The following GARRE1 variants were observed in gnomAD, a reference collection of about 807,000 sequenced individuals.
GARRE1 encodes the protein granule associated Rac and RHOG effector protein 1.
In GARRE1, 49 loss-of-function variants were observed where a neutral mutation model predicts 103.2. That is an observed-to-expected ratio of 0.47 (90% CI 0.38 to 0.60). The LOEUF (loss-of-function observed/expected upper bound fraction) is 0.60, where lower values mean the gene tolerates loss of function less well. GARRE1 is among the 20% of genes least tolerant of loss of function. The probability of loss-of-function intolerance (pLI) is 0.00; values close to 1 mark genes in which losing one functional copy is unlikely to be tolerated. For missense variants in GARRE1, 1,199 were observed against 1,370.5 expected, an observed-to-expected ratio of 0.87 and a Z score of 1.98; for synonymous variants, 505 against 532.8, an observed-to-expected ratio of 0.95 and a Z score of 0.72.
chr19:34,340,147 C>A, intron 9 of GARRE1, 155 bp downstream of exon 9: 2 of 740,856 alleles, frequency 2.7e-6, no homozygotes, highest in Non-Finnish European at 4.4e-6. Flanking sequence ...TTAAAACCTG[C>A]AGCAAAGTGG....
intron 1 of GARRE1, among the ~76,000 whole-genome samples, chr19:34,257,160 CTT>C (rs71165639): frequency 0.5 from 75,220 of 149,918 alleles, 20,805 homozygotes; most frequent in Non-Finnish European, 0.63. Flanking sequence ...TTTAAGCATC[CTT>C]TTTTTTTTTT....
chr19:34,333,560 C>T (rs1033447974), intron 7 of GARRE1, 144 bp from the exon 8 acceptor site: 14 of 594,376 alleles, frequency 2.4e-5, no homozygotes, highest in African/African-American at 1.7e-4. Context: ...GTTGTCTTCA[C>T]GGGGCCCTGA....
intron 1 of GARRE1, among the ~76,000 whole-genome samples, chr19:34,286,228 ATTAT>A (rs929921523): frequency 1.3e-5 from 2 of 152,102 alleles, no homozygotes; most frequent in African/African-American, 4.8e-5. Flanking sequence ...CTGTATTATT[ATTAT>A]TTTTTGAGAC....
chr19:34,283,692 T>C (rs1438761478), intron 1 of GARRE1, among the ~76,000 whole-genome samples: 1 of 152,180 alleles, frequency 6.6e-6, no homozygotes, highest in African/African-American at 2.4e-5. Context: ...TCTTCTTCAC[T>C]TCAATCGTCT....
chr19:34,261,746 G>C (rs867883905), intron 1 of GARRE1, among the ~76,000 whole-genome samples: 2 of 152,138 alleles, frequency 1.3e-5, no homozygotes, highest in African/African-American at 4.8e-5. Flanking sequence ...TATGAATAAG[G>C]AGTAGAGGGA....
In GARRE1 at chr19:34,339,903, G is replaced by C; in HGVS notation, c.1398G>C (p.Leu466=). 6.2e-7 allele frequency: 1 copy of C among 1,614,186 alleles called. No individual in the cohort carries two copies. The highest frequency in any genetic ancestry group is 8.5e-7 in the Non-Finnish European group (1 of 1,180,026). ...AAGACCCTGCTACCATGTCCCTGCT[G>C]CAGAGAAGCCTTGATCCTGAGAAGA... ...LKEDPATMSL[L]QRSLDPEKTL... is the part of the protein sequence containing the mutation. Residue 466 remains leucine (L), a synonymous_variant, in exon 9 of 14, where the codon CTG becomes CTC. Transcript: ENST00000299505.
chr19:34,339,904 C>T lies in GARRE1; in HGVS notation c.1399C>T (p.Gln467Ter). The T allele has an allele frequency of 1.2e-6, 2 of 1,614,200 alleles. No individual in the cohort carries two copies. The highest frequency in any genetic ancestry group is 1.7e-6 in the Non-Finnish European group (2 of 1,180,038). ...AGACCCTGCTACCATGTCCCTGCTGCAGAGAAGCCTTGATCCTGAGAAGAC... is the reference window on the plus strand; with the variant it reads ...AGACCCTGCTACCATGTCCCTGCTGTAGAGAAGCCTTGATCCTGAGAAGAC... ...KEDPATMSLL[Q>*]RSLDPEKTLG... Residue 467 changes from glutamine to a stop codon, truncating the protein, a stop_gained, in exon 9 of 14, where the codon CAG becomes TAG. Coordinates refer to ENST00000299505, the MANE Select transcript of GARRE1 (RefSeq NM_014686.5). LOFTEE classifies it high-confidence loss of function.
chr19:34,288,499 A>G (rs1325314886), intron 1 of GARRE1, among the ~76,000 whole-genome samples: 2 of 152,160 alleles, frequency 1.3e-5, no homozygotes, highest in African/African-American at 2.4e-5. Flanking sequence ...GCAGAACCAT[A>G]CAACACACAG....
intron 2 of GARRE1, 40 bp from the exon 3 acceptor site, chr19:34,319,867 A>G (rs767807172): frequency 1.9e-6 from 3 of 1,580,312 alleles, no homozygotes; most frequent in Non-Finnish European, 2.6e-6. Flanking sequence ...TCCAACAGCA[A>G]CCCACAACCT....
chr19:34,311,614 C>A (rs1338168788), intron 2 of GARRE1, among the ~76,000 whole-genome samples: 1 of 151,472 alleles, frequency 6.6e-6, no homozygotes, highest in African/African-American at 2.4e-5. Flanking sequence ...ATTTTTTTTT[C>A]TTTTCCCCCC....
chr19:34,266,506 C>T (rs1019805846), intron 1 of GARRE1, among the ~76,000 whole-genome samples: 1 of 152,112 alleles, frequency 6.6e-6, no homozygotes, highest in South Asian at 2.1e-4. Flanking sequence ...GGACTGTAGG[C>T]GCATGCCACC....
At position 34,327,421 on chromosome 19, in the gene GARRE1, G is replaced by C. The variant is rs2074116724; in HGVS notation, c.706G>C (p.Ala236Pro). ...AVRSWRGAAEATSRLRERGCD... is the reference protein window; with the variant it reads ...AVRSWRGAAEPTSRLRERGCD... ...CTACCAGTTACTATATATGTTACAG[G>C]CGACATCTAGACTAAGAGAAAGAGG... The change falls in exon 4 of 14, where the codon GCG (alanine) becomes CCG (proline). Residue 236 changes from alanine to proline, a missense_variant and splice_region_variant. Coordinates refer to ENST00000299505, the MANE Select transcript of GARRE1 (RefSeq NM_014686.5). The C allele has an allele frequency of 6.2e-7, 1 of 1,613,962 alleles. No individual in the cohort carries two copies. The highest frequency in any genetic ancestry group is 2.2e-5 in the East Asian group (1 of 44,870).
intron 7 of GARRE1, 88 bp downstream of exon 7, chr19:34,330,435 A>G (rs2074132130): frequency 7.4e-7 from 1 of 1,345,368 alleles, no homozygotes; most frequent in Non-Finnish European, 1.0e-6. Context: ...GTGTGAAAAT[A>G]TTGAATAATT....
chr19:34,292,895 A>G (rs925540695), intron 1 of GARRE1, among the ~76,000 whole-genome samples: 1 of 152,070 alleles, frequency 6.6e-6, no homozygotes, highest in Non-Finnish European at 1.5e-5. Flanking sequence ...TTTTTAGTAG[A>G]AACAGGGTTT....
At chr19:34,335,242 ACCT>A (rs2074155830) in intron 8 of GARRE1, among the ~76,000 whole-genome samples, 1 of 152,150 alleles carries the variant, frequency 6.6e-6, no homozygotes, top group South Asian at 2.1e-4. Context: ...AAGGGATATG[ACCT>A]CAACAATTCC....
chr19:34,291,237 G>A (rs1437646326), intron 1 of GARRE1, among the ~76,000 whole-genome samples: 2 of 152,036 alleles, frequency 1.3e-5, no homozygotes, highest in African/African-American at 4.8e-5. Flanking sequence ...TTGTAAAGTA[G>A]CAAAACTGTA....
At chr19:34,307,789 C>CA (rs2074016802) in intron 2 of GARRE1, among the ~76,000 whole-genome samples, 1 of 121,634 alleles carries the variant, frequency 8.2e-6, no homozygotes, top group Non-Finnish European at 1.6e-5. Flanking sequence ...AATATATATA[C>CA]TATAAAAAAA....
rs1568311733 is a variant in GARRE1, at chr19:34,342,388, GCCCAA to G, written c.2457_2461del (p.Asn820Ter). On this transcript the variant is annotated frameshift_variant, in exon 10 of 14. Transcript: ENST00000299505. LOFTEE classifies it high-confidence loss of function. ...CGCAGGGACCTAGAAATAACACCTG[GCCCAA>G]CCGTGACCAAAGTGATGGAGTCTTT... The G allele has an allele frequency of 6.2e-7, 1 of 1,614,192 alleles. No individual in the cohort carries two copies. Among genetic ancestry groups the G allele is most frequent in the Non-Finnish European group, 8.5e-7 (1 of 1,180,044 alleles).
intron 3 of GARRE1, among the ~76,000 whole-genome samples, chr19:34,327,013 G>A (rs2074114904): frequency 6.6e-6 from 1 of 151,836 alleles, no homozygotes; most frequent in Admixed American, 6.6e-5. Flanking sequence ...AACTCAACCA[G>A]GCGCAGTGGT....
Sources: gnomAD v4.1 joint callset for allele counts (sites outside exome capture counted in the v4.1 genomes callset) on GRCh38, gnomAD v4.1.1 for gene constraint, MANE v1.5 for transcripts, NCBI Gene and HGNC (gene_info 2026-07-23, HGNC 2026-07-21) for gene names.